Variants in SGCZ observed in about 807,000 individuals in gnomAD.
SGCZ encodes sarcoglycan zeta.
SGCZ carries 40 observed loss-of-function variants against 41.3 expected under a neutral mutation model. The observed-to-expected ratio is 0.97, with a 90% CI of 0.75 to 1.26. SGCZ has a LOEUF of 1.26. Ranked by LOEUF, SGCZ falls within the 50% of genes most tolerant of loss-of-function variation. SGCZ has a pLI of 0.00. For missense variants in SGCZ, 552 were observed against 369.8 expected (o/e 1.49, Z -4.04); for synonymous variants, 206 against 137.5 (o/e 1.50, Z -3.49).
intron 1 of SGCZ, among the ~76,000 whole-genome samples, chr8:14,851,383 A>AAAG (rs1554511551): frequency 6.2e-4 from 89 of 143,330 alleles, no homozygotes; most frequent in African/African-American, 2.3e-3. Context: ...AAAAAAAAAA[A>AAAG]AAAAAAAGAA....
chr8:14,157,969 G>T (rs1803927273), intron 5 of SGCZ, among the ~76,000 whole-genome samples: 2 of 152,120 alleles, frequency 1.3e-5, no homozygotes, highest in African/African-American at 4.8e-5. Context: ...ATCACTTGAG[G>T]CCGGGAGTTT....
intron 7 of SGCZ, among the ~76,000 whole-genome samples, chr8:14,101,318 G>T (rs921471773): frequency 1.1e-5 from 1 of 92,644 alleles, no homozygotes; most frequent in Non-Finnish European, 3.1e-5. Flanking sequence ...GTGTGAAAAT[G>T]CAAAGTTATG....
intron 1 of SGCZ, among the ~76,000 whole-genome samples, chr8:14,916,682 T>A (rs1157188962): frequency 2.0e-5 from 3 of 152,210 alleles, no homozygotes; most frequent in Admixed American, 6.5e-5. Flanking sequence ...GCACCAGATC[T>A]TGTTTTCACT....
chr8:14,206,256 A>G (rs1226649566), intron 4 of SGCZ, among the ~76,000 whole-genome samples: 2 of 152,168 alleles, frequency 1.3e-5, no homozygotes, highest in South Asian at 4.1e-4. Context: ...TTTAAATTAT[A>G]GTGTAAGAAA....
At chr8:14,192,286 A>G (rs1805128604) in intron 4 of SGCZ, among the ~76,000 whole-genome samples, 1 of 152,012 alleles carries the variant, frequency 6.6e-6, no homozygotes, top group Admixed American at 6.5e-5. Flanking sequence ...GTAGTAAAGA[A>G]TACTGCTGTA....
intron 1 of SGCZ, among the ~76,000 whole-genome samples, chr8:15,122,972 G>A: frequency 6.6e-6 from 1 of 152,080 alleles, no homozygotes; most frequent in East Asian, 1.9e-4. Context: ...TTAAGTCAAG[G>A]TCTATAGGTA....
chr8:14,968,617 T>C (rs1019950773), intron 1 of SGCZ, among the ~76,000 whole-genome samples: 2 of 152,082 alleles, frequency 1.3e-5, no homozygotes, highest in Non-Finnish European at 2.9e-5. Flanking sequence ...GTACAGATGA[T>C]TGAGAAAACA....
chr8:14,490,894 C>T (rs73664364), intron 2 of SGCZ, among the ~76,000 whole-genome samples: 1,712 of 152,240 alleles, frequency 0.011, 35 homozygotes, highest in African/African-American at 0.038. Context: ...ATTGCTGTTT[C>T]AGGAGCTAAA....
chr8:14,960,554 A>G (rs770506559), intron 1 of SGCZ, among the ~76,000 whole-genome samples: 27 of 152,146 alleles, frequency 1.8e-4, no homozygotes, highest in Non-Finnish European at 3.2e-4. Context: ...AATCTTGATC[A>G]GCTTCATCTT....
At chr8:14,702,878 TAGATA>T (rs869133655) in intron 1 of SGCZ, among the ~76,000 whole-genome samples, 1 of 130,142 alleles carries the variant, frequency 7.7e-6, no homozygotes, top group Non-Finnish European at 1.6e-5. Context: ...GATAGATAGA[TAGATA>T]AAAAGATAGA....
chr8:14,231,452 G>C (rs544326411), intron 4 of SGCZ, among the ~76,000 whole-genome samples: 69 of 152,004 alleles, frequency 4.5e-4, no homozygotes, highest in African/African-American at 1.6e-3. Flanking sequence ...CTAATGTTTT[G>C]AGATCTCACC....
At chr8:14,153,590 A>G (rs1049648928) in intron 5 of SGCZ, among the ~76,000 whole-genome samples, 11 of 152,100 alleles carry the variant, frequency 7.2e-5, no homozygotes, top group African/African-American at 2.7e-4. Context: ...TAATACCACA[A>G]AAGGCCTGTG....
chr8:15,233,769 G>T (rs1585701834), intron 1 of SGCZ, among the ~76,000 whole-genome samples: 1 of 152,130 alleles, frequency 6.6e-6, no homozygotes, highest in East Asian at 1.9e-4. Context: ...TATTCCAGAA[G>T]CATACCGTTC....
intron 1 of SGCZ, among the ~76,000 whole-genome samples, chr8:14,809,594 A>T (rs1801677331): frequency 1.3e-5 from 2 of 152,268 alleles, no homozygotes; most frequent in South Asian, 4.1e-4. Flanking sequence ...CATTATTTTG[A>T]GGTAGAGCAC....
chr8:14,498,720 T>C (rs890681032), intron 2 of SGCZ, among the ~76,000 whole-genome samples: 4 of 152,116 alleles, frequency 2.6e-5, no homozygotes, highest in Non-Finnish European at 5.9e-5. Flanking sequence ...TATTACTTAT[T>C]TGTGTTACTC....
intron 1 of SGCZ, among the ~76,000 whole-genome samples, chr8:14,569,862 G>A (rs1191105395): frequency 6.6e-6 from 1 of 151,972 alleles, no homozygotes; most frequent in Admixed American, 6.6e-5. Context: ...GGAGTGGGGA[G>A]GCAGATGCAG....
intron 1 of SGCZ, among the ~76,000 whole-genome samples, chr8:14,882,363 G>T (rs1052472393): frequency 1.3e-5 from 2 of 151,970 alleles, no homozygotes; most frequent in African/African-American, 4.8e-5. Context: ...GTATATTTTG[G>T]GCTGTCTCCC....
chr8:14,105,697 A>C (rs1337399082), intron 6 of SGCZ, among the ~76,000 whole-genome samples: 1 of 152,138 alleles, frequency 6.6e-6, no homozygotes, highest in East Asian at 1.9e-4. Context: ...AGCTTAGTGC[A>C]ATGTTTACAT....
At chr8:14,379,309 C>A (rs1328704308) in intron 2 of SGCZ, among the ~76,000 whole-genome samples, 1 of 152,052 alleles carries the variant, frequency 6.6e-6, no homozygotes, top group Non-Finnish European at 1.5e-5. Context: ...TTACGTAAGT[C>A]AATAGCCTTC....
Sources: gnomAD v4.1 joint callset for allele counts (sites outside exome capture counted in the v4.1 genomes callset) on GRCh38, gnomAD v4.1.1 for gene constraint, MANE v1.5 for transcripts, NCBI Gene and HGNC (gene_info 2026-07-23, HGNC 2026-07-21) for gene names.